S100Z: variants seen among roughly 807,000 people sequenced by gnomAD.
The protein encoded by S100Z is S100 calcium binding protein Z.
S100Z carries 11 observed loss-of-function variants against 8.5 expected under a neutral mutation model. The ratio of observed to expected loss-of-function variants is 1.30; its 90% CI spans 0.82 to 2.15. The LOEUF (loss-of-function observed/expected upper bound fraction) is 2.15. Among genes scored for constraint, S100Z ranks in the 30% most tolerant of loss-of-function variants. S100Z has a pLI of 0.00. For missense variants in S100Z, 126 were observed against 117.9 expected (o/e 1.07, Z -0.32); for synonymous variants, 34 against 43.8 (o/e 0.78, Z 0.89).
chr5:76,857,121 G>A lies in S100Z; in HGVS notation c.-176+6966G>A, dbSNP rs149701865. 3.5e-3 allele frequency among the ~76,000 whole-genome samples: 538 copies of A among 152,134 alleles called. 23 individuals carry two copies. In the East Asian group the frequency reaches 0.096, roughly 27 times the overall value. ...AGCCCGGCCAACATGGTGAAACCCC[G>A]TCTCTACTAAGAATACAAAAATTAG... is the stretch of plus-strand genomic sequence containing the variant. On this transcript the variant is annotated intron_variant, in intron 1 of 4. Coordinates refer to ENST00000317593, the MANE Select transcript of S100Z (RefSeq NM_130772.4).
chr5:76,901,607 A>C (rs1430746655), intron 4 of S100Z, among the ~76,000 whole-genome samples: 2 of 150,220 alleles, frequency 1.3e-5, no homozygotes, highest in African/African-American at 4.9e-5. Flanking sequence ...CCTGGGTCTC[A>C]CCCTTCAGGG....
the S100Z span, among the ~76,000 whole-genome samples, chr5:76,930,406 G>A: frequency 6.6e-6 from 1 of 152,116 alleles, no homozygotes; most frequent in Non-Finnish European, 1.5e-5. Context: ...AGGTCCCTAG[G>A]AACACAATAG....
the S100Z span, among the ~76,000 whole-genome samples, chr5:76,947,203 C>A: frequency 2.7e-5 from 4 of 150,652 alleles, no homozygotes; most frequent in Admixed American, 6.6e-5. Context: ...ACGTCCTGGC[C>A]CCCCCATGTA....
At chr5:76,880,492 G>C (rs894338098) in intron 4 of S100Z, among the ~76,000 whole-genome samples, 2 of 152,310 alleles carry the variant, frequency 1.3e-5, no homozygotes, top group Admixed American at 1.3e-4. Flanking sequence ...GAGTGGGTGA[G>C]ATTAAGCTGA....
chr5:76,947,585 C>G, the S100Z span, among the ~76,000 whole-genome samples: 11,783 of 152,088 alleles, frequency 0.077, 731 homozygotes, highest in African/African-American at 0.17. Flanking sequence ...AAACAAAGCA[C>G]GAGGCACCAC....
intron 1 of S100Z, among the ~76,000 whole-genome samples, chr5:76,858,481 C>T (rs1160019377): frequency 6.6e-6 from 1 of 151,920 alleles, no homozygotes; most frequent in East Asian, 1.9e-4. Flanking sequence ...TGAGATCATG[C>T]CACTACATTC....
chr5:76,897,452 A>C (rs1022477913), intron 4 of S100Z, among the ~76,000 whole-genome samples: 1 of 144,194 alleles, frequency 6.9e-6, no homozygotes, highest in Non-Finnish European at 1.5e-5. Context: ...CAAAAAAAAT[A>C]ATAATAATAA....
intron 4 of S100Z, among the ~76,000 whole-genome samples, chr5:76,885,503 G>T (rs536094247): frequency 5.7e-5 from 7 of 123,732 alleles, no homozygotes; most frequent in African/African-American, 2.3e-4. Flanking sequence ...AGTAGGAACG[G>T]GTTGGGAGGT....
chr5:76,862,062 C>T (rs1751071200), intron 1 of S100Z, among the ~76,000 whole-genome samples: 2 of 151,970 alleles, frequency 1.3e-5, no homozygotes, highest in Non-Finnish European at 2.9e-5. Flanking sequence ...AATTACTTCT[C>T]TTCTTCTGGT....
chr5:76,935,094 G>C, the S100Z span, among the ~76,000 whole-genome samples: 2 of 152,126 alleles, frequency 1.3e-5, no homozygotes, highest in African/African-American at 4.8e-5. Flanking sequence ...CTGCCAAAAT[G>C]TAGCATCTCA....
the S100Z span, among the ~76,000 whole-genome samples, chr5:76,930,485 C>T: frequency 6.6e-6 from 1 of 152,146 alleles, no homozygotes; most frequent in South Asian, 2.1e-4. Context: ...GGTAAGGAGG[C>T]ACACATCTCA....
At chr5:76,857,690 G>A (rs960394181) in intron 1 of S100Z, among the ~76,000 whole-genome samples, 4 of 152,000 alleles carry the variant, frequency 2.6e-5, no homozygotes, top group Admixed American at 1.3e-4. Context: ...TAGGAGAGAC[G>A]GGGTTTTGCC....
intron 4 of S100Z, among the ~76,000 whole-genome samples, chr5:76,918,751 A>G (rs1278889820): frequency 6.6e-6 from 1 of 152,192 alleles, no homozygotes; most frequent in African/African-American, 2.4e-5. Context: ...TGTACATTCT[A>G]TGGGTTTTGA....
intron 3 of S100Z, among the ~76,000 whole-genome samples, chr5:76,876,888 C>A (rs1743210303): frequency 6.6e-6 from 1 of 152,148 alleles, no homozygotes; most frequent in Non-Finnish European, 1.5e-5. Context: ...CTCATCAACA[C>A]CAGTCACAGG....
downstream of S100Z, among the ~76,000 whole-genome samples, chr5:76,926,195 C>T (rs1233707441): frequency 2.0e-5 from 3 of 151,864 alleles, no homozygotes; most frequent in African/African-American, 4.8e-5. Flanking sequence ...ATACTCTGGC[C>T]TAACTGCAGA....
chr5:76,895,705 TAA>T (rs1361593446), intron 4 of S100Z, among the ~76,000 whole-genome samples: 1 of 151,672 alleles, frequency 6.6e-6, no homozygotes, highest in Admixed American at 6.6e-5. Flanking sequence ...CCAATTACAT[TAA>T]GTTATTTTAA....
the S100Z span, among the ~76,000 whole-genome samples, chr5:76,934,271 C>T: frequency 6.6e-6 from 1 of 152,158 alleles, no homozygotes; most frequent in African/African-American, 2.4e-5. Context: ...TAAGATAATC[C>T]TTCTAAACGA....
intron 4 of S100Z, among the ~76,000 whole-genome samples, chr5:76,882,052 C>T (rs151309889): frequency 0.02 from 3,021 of 152,210 alleles, 89 homozygotes; most frequent in African/African-American, 0.068. Flanking sequence ...TAAATATTGA[C>T]GCGTAGTCCC....
downstream of S100Z, among the ~76,000 whole-genome samples, chr5:76,923,578 T>C (rs1010290220): frequency 1.8e-4 from 27 of 152,180 alleles, no homozygotes; most frequent in African/African-American, 6.3e-4. Context: ...CAAGATACCC[T>C]CCCACCCACG....
Sources: allele counts gnomAD v4.1 joint callset (sites outside exome capture counted in the v4.1 genomes callset), GRCh38; gene constraint gnomAD v4.1.1; transcripts MANE v1.5; gene names NCBI Gene and HGNC (gene_info 2026-07-23, HGNC 2026-07-21).